Variants in LOC128462377 observed in about 807,000 individuals in gnomAD.
chr16:89,384,172 G>A, the LOC128462377 span, among the ~76,000 whole-genome samples: 1 of 152,180 alleles, frequency 6.6e-6, no homozygotes, highest in Non-Finnish European at 1.5e-5. Flanking sequence ...AGTGAGCTGA[G>A]ATGTGCTCCT....
At chr16:89,417,019 C>T in the LOC128462377 span, among the ~76,000 whole-genome samples, 2 of 152,274 alleles carry the variant, frequency 1.3e-5, no homozygotes, top group South Asian at 2.1e-4. Context: ...ACTACCCAGG[C>T]TGGCTTCATT....
chr16:89,417,453 C>G, the LOC128462377 span, among the ~76,000 whole-genome samples: 1 of 152,264 alleles, frequency 6.6e-6, no homozygotes, highest in Non-Finnish European at 1.5e-5. Context: ...AGGGAGGACT[C>G]TGCCCTACAG....
the LOC128462377 span, among the ~76,000 whole-genome samples, chr16:89,353,045 C>G: frequency 6.6e-6 from 1 of 152,150 alleles, no homozygotes; most frequent in African/African-American, 2.4e-5. Context: ...AAAATTATAA[C>G]AAGAGAAAGT....
chr16:89,365,665 T>C, the LOC128462377 span, among the ~76,000 whole-genome samples: 1 of 152,176 alleles, frequency 6.6e-6, no homozygotes, highest in African/African-American at 2.4e-5. Context: ...TTACCGCAAT[T>C]CTTCCTGGGC....
the LOC128462377 span, among the ~76,000 whole-genome samples, chr16:89,395,332 G>A: frequency 6.6e-6 from 1 of 152,248 alleles, no homozygotes; most frequent in Non-Finnish European, 1.5e-5. Flanking sequence ...GCGTCGGTGT[G>A]GAAGGAACCC....
the LOC128462377 span, among the ~76,000 whole-genome samples, chr16:89,363,492 AAG>A: frequency 1.3e-4 from 20 of 151,656 alleles, no homozygotes; most frequent in Non-Finnish European, 2.9e-4. Flanking sequence ...AAAAAAAAAA[AAG>A]ATTCAGTCTT....
the LOC128462377 span, among the ~76,000 whole-genome samples, chr16:89,346,703 T>C: frequency 6.6e-6 from 1 of 152,204 alleles, no homozygotes; most frequent in Admixed American, 6.5e-5. Flanking sequence ...ACAGAGATGC[T>C]ATACAGCAAG....
At chr16:89,355,877 A>G in the LOC128462377 span, among the ~76,000 whole-genome samples, 4 of 152,120 alleles carry the variant, frequency 2.6e-5, no homozygotes, top group African/African-American at 9.7e-5. Context: ...TGAGATAAAC[A>G]CCACAGGAAC....
At chr16:89,376,730 C>T in the LOC128462377 span, among the ~76,000 whole-genome samples, 6 of 152,306 alleles carry the variant, frequency 3.9e-5, no homozygotes, top group South Asian at 2.1e-4. Context: ...TGCGCCACCA[C>T]GCCTGGCCCT....
the LOC128462377 span, among the ~76,000 whole-genome samples, chr16:89,413,789 C>T: frequency 6.6e-6 from 1 of 152,094 alleles, no homozygotes; most frequent in African/African-American, 2.4e-5. Flanking sequence ...GGTGAGGGTG[C>T]CAGGGAGACT....
At chr16:89,383,693 C>T in the LOC128462377 span, among the ~76,000 whole-genome samples, 1 of 152,152 alleles carries the variant, frequency 6.6e-6, no homozygotes, top group African/African-American at 2.4e-5. Context: ...AGACGTCCAG[C>T]CCCTGCCCTC....
the LOC128462377 span, among the ~76,000 whole-genome samples, chr16:89,401,784 C>T: frequency 2.0e-5 from 3 of 152,080 alleles, no homozygotes; most frequent in Admixed American, 6.5e-5. Context: ...GAGCTGTGCA[C>T]GCAGGGAGAA....
the LOC128462377 span, among the ~76,000 whole-genome samples, chr16:89,325,807 C>A: frequency 1.1e-4 from 16 of 152,328 alleles, no homozygotes; most frequent in African/African-American, 3.8e-4. Flanking sequence ...AGAGGTGTCA[C>A]TGACCTTTTG....
At chr16:89,344,045 C>A in the LOC128462377 span, among the ~76,000 whole-genome samples, 4 of 152,316 alleles carry the variant, frequency 2.6e-5, no homozygotes, top group African/African-American at 7.2e-5. Context: ...TCAAGCCCGG[C>A]CCCGCCCCTC....
At chr16:89,321,401 A>G in the LOC128462377 span, among the ~76,000 whole-genome samples, 1 of 134,070 alleles carries the variant, frequency 7.5e-6, no homozygotes, top group Non-Finnish European at 1.6e-5. Flanking sequence ...GCAGGGCGGG[A>G]CTGTGGGGAG....
chr16:89,407,825 G>C, the LOC128462377 span, among the ~76,000 whole-genome samples: 4 of 135,044 alleles, frequency 3.0e-5, no homozygotes, highest in African/African-American at 1.1e-4. Flanking sequence ...ACTCCCACCT[G>C]AGTGAGAGTC....
At chr16:89,375,768 TAA>T in the LOC128462377 span, among the ~76,000 whole-genome samples, 636 of 84,550 alleles carry the variant, frequency 7.5e-3, 4 homozygotes, top group African/African-American at 0.013. Context: ...CTCCGTCTCT[TAA>T]AAAAAAAAAA....
the LOC128462377 span, chr16:89,323,945 A>G: frequency 9.1e-6 from 2 of 219,158 alleles, no homozygotes; most frequent in East Asian, 2.9e-4. Context: ...CTACGGTTTG[A>G]ATGTTTGTGT....
At chr16:89,399,809 CT>C in the LOC128462377 span, among the ~76,000 whole-genome samples, 138,996 of 152,172 alleles carry the variant, frequency 0.91, 63,676 homozygotes, top group Middle Eastern at 0.99. Flanking sequence ...ATAAAGTCTA[CT>C]TTTTTTAAAG....
Sources: allele counts gnomAD v4.1 joint callset (sites outside exome capture counted in the v4.1 genomes callset), GRCh38; gene constraint gnomAD v4.1.1; transcripts MANE v1.5.